Variants in HERC4 observed in about 807,000 individuals in gnomAD.
HERC4 encodes the protein HECT and RLD domain containing E3 ubiquitin protein ligase 4.
A neutral mutation model predicts 124.3 loss-of-function variants in HERC4; 28 were observed. The ratio of observed to expected loss-of-function variants is 0.23; its 90% confidence interval spans 0.17 to 0.31. The LOEUF is 0.31. HERC4 is among the 10% of genes least tolerant of loss of function. The probability of loss-of-function intolerance (pLI) is 1.00; values close to 1 mark genes in which losing one functional copy is unlikely to be tolerated. For missense variants in HERC4, 713 were observed against 1,229.3 expected (o/e 0.58, Z 6.28); for synonymous variants, 407 against 421.5 (o/e 0.97, Z 0.42).
intron 3 of HERC4, among the ~76,000 whole-genome samples, chr10:68,054,249 A>C (rs1564600396): frequency 6.6e-6 from 1 of 152,172 alleles, no homozygotes; most frequent in South Asian, 2.1e-4. Flanking sequence ...AAAGATTGGG[A>C]AAATGATTAC....
chr10:68,037,183 C>A (rs2039523495), intron 5 of HERC4, among the ~76,000 whole-genome samples: 1 of 150,718 alleles, frequency 6.6e-6, no homozygotes, highest in South Asian at 2.1e-4. Flanking sequence ...CAACTTCCGC[C>A]TCCCGGGTTC....
intron 14 of HERC4, 135 bp downstream of exon 14, chr10:67,990,076 G>T: frequency 1.6e-6 from 1 of 619,512 alleles, no homozygotes. Context: ...AGCAAGAAAA[G>T]GAAAAACAGG....
chr10:68,030,458 A>G lies in HERC4; in HGVS notation c.777+2320T>C, dbSNP rs575885653. 2.6e-5 allele frequency among the ~76,000 whole-genome samples: 4 copies of G among 152,272 alleles called. No individual in the cohort carries two copies. The South Asian group carries it at 8.3e-4, about 32-fold the overall frequency. ...CGTGTCCAAAAACAAAAACAAAAAC[A>G]AACAAATATACATGGCATATGATAT... On this transcript the variant is annotated intron_variant, in intron 7 of 24. Coordinates refer to ENST00000373700, the MANE Select transcript of HERC4 (RefSeq NM_015601.4).
rs1274904807 is a variant in HERC4, at chr10:68,059,808, T to C, written c.226+13075A>G. On this transcript the variant is annotated intron_variant, in intron 3 of 24. Coordinates refer to ENST00000373700, the MANE Select transcript of HERC4 (RefSeq NM_015601.4). ...TATTATATATCATAATATTATATAT[T>C]ATAATATTATATATCATAATATTAT... Among the ~76,000 whole-genome samples, 15 of 69,392 alleles carry C rather than the reference T, an allele frequency of 2.2e-4. 1 individual carries two copies. Among genetic ancestry groups the C allele is most frequent in the Admixed American group, 8.1e-4 (3 of 3,686 alleles). The allele number at this position is 69,392 out of a possible 152,430, so 45.5% of individuals were successfully genotyped here.
Position 67,932,756 on chromosome 10 carries a change from C to G in HERC4, c.2679G>C (p.Val893=), listed in dbSNP as rs769954509. The change falls in exon 23 of 25, where the codon GTG becomes GTC. Residue 893 remains valine (V), a synonymous_variant. Coordinates refer to ENST00000373700, the MANE Select transcript of HERC4 (RefSeq NM_015601.4). ...QNRQEFVDAY[V]DYIFNKSVAS... ...CCACTGATTTATTGAATATGTAATC[C>G]ACATAAGCATCGACAAACTCTTGCC... The G allele has an allele frequency of 7.5e-6, 12 of 1,598,232 alleles. No homozygotes were observed. The African/African-American group carries it at 1.6e-4, about 22-fold the overall frequency.
chr10:68,073,198 G>C lies in HERC4; in HGVS notation c.-78-12C>G, dbSNP rs1589492506. ...GAGGTACCCTATGTCTGAGGAAATA[G>C]AAAGAAGTTAATATGACTTCAAAGA... On this transcript the variant is annotated splice_polypyrimidine_tract_variant and intron_variant, in intron 2 of 24. Transcript: ENST00000373700. The C allele has an allele frequency of 2.1e-6, 2 of 947,280 alleles. No individual in the cohort carries two copies. The highest frequency in any genetic ancestry group is 2.5e-5 in the East Asian group (1 of 40,206). 58.7% of individuals were successfully genotyped at this position (947,280 alleles called of 1,614,324 possible).
intron 8 of HERC4, among the ~76,000 whole-genome samples, chr10:68,015,035 T>C (rs1231013229): frequency 6.6e-6 from 1 of 152,224 alleles, no homozygotes; most frequent in African/African-American, 2.4e-5. Context: ...GCAATATGAC[T>C]ATTACAGTTG....
chr10:68,048,298 G>C (rs1420423071), intron 3 of HERC4, among the ~76,000 whole-genome samples: 2 of 152,078 alleles, frequency 1.3e-5, no homozygotes, highest in South Asian at 4.1e-4. Flanking sequence ...TAGGTGAATG[G>C]ATAAACTGTG....
chr10:67,983,709 C>T (rs2132667476), intron 15 of HERC4, among the ~76,000 whole-genome samples: 1 of 150,686 alleles, frequency 6.6e-6, no homozygotes, highest in East Asian at 2.0e-4. Context: ...ACAGCATGAA[C>T]CCAGGAGGCG....
intron 3 of HERC4, among the ~76,000 whole-genome samples, chr10:68,046,355 T>C (rs2040012283): frequency 6.6e-6 from 1 of 152,104 alleles, no homozygotes; most frequent in Non-Finnish European, 1.5e-5. Context: ...AATAACAAAT[T>C]AATAGCATCA....
intron 8 of HERC4, among the ~76,000 whole-genome samples, chr10:68,020,417 A>G (rs1169411714): frequency 6.6e-6 from 1 of 152,126 alleles, no homozygotes; most frequent in East Asian, 1.9e-4. Flanking sequence ...AGACGTGTAA[A>G]AAGAAAAAAA....
chr10:67,993,722 G>A (rs1321403804), intron 9 of HERC4: 1 of 151,940 alleles, frequency 6.6e-6, no homozygotes, highest in Non-Finnish European at 1.5e-5. Context: ...AATTTATTAG[G>A]AATAAAGAAA....
chr10:68,015,339 T>C (rs1232798620), intron 8 of HERC4, among the ~76,000 whole-genome samples: 1 of 152,236 alleles, frequency 6.6e-6, no homozygotes, highest in East Asian at 1.9e-4. Context: ...CTAAGTCAGC[T>C]AAGATGAGAG....
chr10:68,063,244 C>T lies in HERC4; in HGVS notation c.226+9639G>A, dbSNP rs532944299. On this transcript the variant is annotated intron_variant, in intron 3 of 24. Transcript: ENST00000373700. ...TTATTTTTTTAGTTGGAGTCTCGCTCTGTAACCCAGGCTAGAGTGCAATGG... is the reference window on the plus strand; with the variant it reads ...TTATTTTTTTAGTTGGAGTCTCGCTTTGTAACCCAGGCTAGAGTGCAATGG... Among the ~76,000 whole-genome samples, 33 of 152,214 alleles carry T rather than the reference C, an allele frequency of 2.2e-4. No individual in the cohort carries two copies. The South Asian group carries it at 4.6e-3, about 21-fold the overall frequency.
intron 19 of HERC4, among the ~76,000 whole-genome samples, chr10:67,953,541 C>G (rs2033949054): frequency 6.6e-6 from 1 of 152,152 alleles, no homozygotes; most frequent in Non-Finnish European, 1.5e-5. Flanking sequence ...GGGCACCAAC[C>G]TTAAGAGCTC....
chr10:67,995,371 C>T, intron 9 of HERC4: 1 of 363,698 alleles, frequency 2.7e-6, no homozygotes, highest in Non-Finnish European at 5.4e-6. Flanking sequence ...ATATAGTTAT[C>T]TTATAACAGG....
intron 15 of HERC4, among the ~76,000 whole-genome samples, chr10:67,980,218 A>G (rs2035846532): frequency 6.6e-6 from 1 of 152,130 alleles, no homozygotes; most frequent in African/African-American, 2.4e-5. Flanking sequence ...TAGTCATCAA[A>G]ACAGCACGGT....
intron 3 of HERC4, among the ~76,000 whole-genome samples, chr10:68,051,377 C>G (rs1404467088): frequency 2.1e-5 from 3 of 144,246 alleles, no homozygotes; most frequent in African/African-American, 7.8e-5. Flanking sequence ...CAGAGTCTCG[C>G]TCTGTCGCCC....
intron 3 of HERC4, among the ~76,000 whole-genome samples, chr10:68,046,059 T>C (rs1442176724): frequency 6.6e-6 from 1 of 151,552 alleles, no homozygotes. Context: ...ATTTTTTGTA[T>C]AGCTTTTAAA....
Sources: gnomAD v4.1 joint callset for allele counts (sites outside exome capture counted in the v4.1 genomes callset) on GRCh38, gnomAD v4.1.1 for gene constraint, MANE v1.5 for transcripts, NCBI Gene and HGNC (gene_info 2026-07-23, HGNC 2026-07-21) for gene names.